The following CACNG6 variants were observed in gnomAD, a reference collection of about 807,000 sequenced individuals.
CACNG6 encodes voltage-dependent calcium channel gamma-6 subunit.
A neutral mutation model predicts 23.9 loss-of-function variants in CACNG6; 21 were observed. That is an observed-to-expected ratio of 0.88 (90% CI 0.62 to 1.26). The LOEUF is 1.26. Among genes scored for constraint, CACNG6 ranks in the 50% most tolerant of loss-of-function variants. CACNG6 has a pLI of 0.00. For synonymous variants in CACNG6, 182 were observed against 168.9 expected (o/e 1.08, Z -0.60); for missense variants, 340 against 352.9 (o/e 0.96, Z 0.29).
At position 53,991,876 on chromosome 19, in the gene CACNG6, G is replaced by A. The variant is rs923266491; in HGVS notation, c.-1002G>A. Among the ~76,000 whole-genome samples, 1 of 152,184 alleles carries A rather than the reference G, an allele frequency of 6.6e-6. No homozygotes were observed. Among genetic ancestry groups the A allele is most frequent in the Admixed American group, 6.5e-5 (1 of 15,282 alleles). On this transcript the variant is annotated 5_prime_UTR_variant, in exon 1 of 4. Transcript: ENST00000252729. The stretch of plus-strand genomic sequence containing the variant: ...GGGCGCAGCGTCTCTTGCGGGTCGC[G>A]GTTGGCCTTTGAACCCTGGGGGGAC...
At chr19:54,009,562 G>A (rs2069682225) in intron 3 of CACNG6, among the ~76,000 whole-genome samples, 1 of 152,090 alleles carries the variant, frequency 6.6e-6, no homozygotes, top group African/African-American at 2.4e-5. Context: ...GCTGCAATGA[G>A]CTGAGATCAT....
chr19:54,005,160 G>A (rs1003717015), intron 3 of CACNG6, among the ~76,000 whole-genome samples: 13 of 151,352 alleles, frequency 8.6e-5, no homozygotes, highest in African/African-American at 2.9e-4. Flanking sequence ...AGTGAGCTGG[G>A]ATCGCGCCAC....
At chr19:54,004,365 G>T (rs1212503783) in intron 3 of CACNG6, among the ~76,000 whole-genome samples, 7 of 148,400 alleles carry the variant, frequency 4.7e-5, no homozygotes, top group African/African-American at 1.7e-4. Flanking sequence ...GTGTGTGTGT[G>T]TGTGTGTGTG....
At position 54,005,241 on chromosome 19, in the gene CACNG6, A is replaced by C. The variant is rs977775200; in HGVS notation, c.544+5470A>C. Among the ~76,000 whole-genome samples the C allele has an allele frequency of 1.1e-3, 118 of 108,100 alleles. 2 individuals carry two copies. The highest frequency in any genetic ancestry group is 5.5e-3 in the African/African-American group (112 of 20,202). 70.9% of individuals were successfully genotyped at this position (108,100 alleles called of 152,430 possible). ...AATAAATAAATAAATAAATAAATAAATAAATAAATAATAATAAAAGAAAGA... is the reference window on the plus strand; with the variant it reads ...AATAAATAAATAAATAAATAAATAACTAAATAAATAATAATAAAAGAAAGA... On this transcript the variant is annotated intron_variant, in intron 3 of 3. Transcript: ENST00000252729.
chr19:54,009,818 C>T (rs1461166346), intron 3 of CACNG6, among the ~76,000 whole-genome samples: 5 of 148,512 alleles, frequency 3.4e-5, no homozygotes, highest in Non-Finnish European at 7.4e-5. Flanking sequence ...CCCAGCTACT[C>T]GGGAGGCTGA....
At chr19:54,000,472 T>C (rs2069564421) in intron 3 of CACNG6, among the ~76,000 whole-genome samples, 1 of 152,240 alleles carries the variant, frequency 6.6e-6, no homozygotes. Flanking sequence ...AAATGCTGCA[T>C]CTTGTGAAAT....
intron 3 of CACNG6, among the ~76,000 whole-genome samples, chr19:54,004,500 G>A (rs1180998090): frequency 6.6e-6 from 1 of 152,040 alleles, no homozygotes; most frequent in Admixed American, 6.6e-5. Flanking sequence ...TTACAGGTGT[G>A]AGCCACCACG....
chr19:54,002,484 CTTTT>C (rs11305908), intron 3 of CACNG6, among the ~76,000 whole-genome samples: 1 of 141,454 alleles, frequency 7.1e-6, no homozygotes, highest in Non-Finnish European at 1.5e-5. Context: ...TCTATTTCTC[CTTTT>C]TTTTTTTTTT....
intron 3 of CACNG6, among the ~76,000 whole-genome samples, chr19:54,009,292 G>C (rs1293693269): frequency 6.6e-6 from 1 of 150,796 alleles, no homozygotes; most frequent in Non-Finnish European, 1.5e-5. Flanking sequence ...GTGGTGGCGT[G>C]TGTCTGTAAT....
intron 3 of CACNG6, among the ~76,000 whole-genome samples, chr19:54,008,617 CCAAA>C (rs1568818668): frequency 6.6e-6 from 1 of 152,226 alleles, no homozygotes; most frequent in African/African-American, 2.4e-5. Context: ...TCTCTTTTCT[CCAAA>C]CACTCTGTGC....
At position 53,993,177 on chromosome 19, in the gene CACNG6, G is replaced by C; in HGVS notation, c.300G>C (p.Arg100Ser). Residue 100 changes from arginine (R) to serine (S), a missense_variant, in exon 1 of 4, where the codon AGG (arginine) becomes AGC (serine). Transcript: ENST00000252729. Reference sequence around the variant, plus strand: ...GGCAGGCGGACGTGCCCGTGGACAGGGACACCTGCGGCCCCGCGGAGCTGC... The same window carrying C: ...GGCAGGCGGACGTGCCCGTGGACAGCGACACCTGCGGCCCCGCGGAGCTGC... ...RLWQADVPVDRDTCGPAELPG... is the reference protein window; with the variant it reads ...RLWQADVPVDSDTCGPAELPG... The C allele has an allele frequency of 1.3e-6, 2 of 1,543,160 alleles. No individual in the cohort carries two copies. Among genetic ancestry groups the C allele is most frequent in the Non-Finnish European group, 1.7e-6 (2 of 1,145,970 alleles).
At position 53,991,767 on chromosome 19, in the gene CACNG6, G is replaced by T. The variant is rs896199539; in HGVS notation, c.-1111G>T. ...TCGGGGGTGGGAGCCCCGAGGGGGGGCCCTGGCCTGGGGCTGAGCCTGGCG... is the reference window on the plus strand; with the variant it reads ...TCGGGGGTGGGAGCCCCGAGGGGGGTCCCTGGCCTGGGGCTGAGCCTGGCG... On this transcript the variant is annotated 5_prime_UTR_variant, in exon 1 of 4. Coordinates refer to ENST00000252729, the MANE Select transcript of CACNG6 (RefSeq NM_145814.2). 6.6e-6 allele frequency among the ~76,000 whole-genome samples: 1 copy of T among 152,090 alleles called. No homozygotes were observed. The highest frequency in any genetic ancestry group is 1.5e-5 in the Non-Finnish European group (1 of 67,976).
intron 3 of CACNG6, among the ~76,000 whole-genome samples, chr19:54,005,139 G>T (rs1482600988): frequency 2.0e-5 from 3 of 151,062 alleles, no homozygotes; most frequent in Non-Finnish European, 2.9e-5. Flanking sequence ...AACCCGGGAG[G>T]TGGAGGTTGC....
intron 1 of CACNG6, among the ~76,000 whole-genome samples, chr19:53,996,956 C>A (rs145756774): frequency 0.012 from 1,822 of 147,734 alleles, 39 homozygotes; most frequent in African/African-American, 0.044. Flanking sequence ...GCAACCTCTG[C>A]CTCCCAGGCT....
Position 53,999,515 on chromosome 19 carries a change from T to C in CACNG6, c.407-119T>C, listed in dbSNP as rs980280648. 32 of 1,188,838 alleles carry C rather than the reference T, an allele frequency of 2.7e-5. No homozygotes were observed. The African/African-American group carries it at 4.7e-4, about 17-fold the overall frequency. 73.6% of individuals were successfully genotyped at this position (1,188,838 alleles called of 1,614,324 possible). On this transcript the variant is annotated intron_variant, in intron 2 of 3. Coordinates refer to ENST00000252729, the MANE Select transcript of CACNG6 (RefSeq NM_145814.2). Reference sequence around the variant, plus strand: ...AATGTTGGGCTGGATGATACTCTACTTGAAAATTCTTCTCTCGTCCCGAAT... The same window carrying C: ...AATGTTGGGCTGGATGATACTCTACCTGAAAATTCTTCTCTCGTCCCGAAT...
At chr19:54,004,603 T>G (rs2145962541) in intron 3 of CACNG6, among the ~76,000 whole-genome samples, 1 of 152,220 alleles carries the variant, frequency 6.6e-6, no homozygotes. Flanking sequence ...TAGAATAACA[T>G]GGTGGCAAGG....
rs1321797145 is a variant in CACNG6, at chr19:53,992,495, C to T, written c.-383C>T. 5 of 166,370 alleles carry T rather than the reference C, an allele frequency of 3.0e-5. No homozygotes were observed. Among genetic ancestry groups the T allele is most frequent in the Non-Finnish European group, 6.4e-5 (5 of 78,076 alleles). 10.3% of individuals were successfully genotyped at this position (166,370 alleles called of 1,614,324 possible). On this transcript the variant is annotated 5_prime_UTR_variant, in exon 1 of 4. Transcript: ENST00000252729. This position sits in a 1 kb window ranked among gnomAD's most constrained non-coding sequence, Gnocchi z 4.1. ...CCCTTGGAGCTGCAGGGAGCTTCAG[C>T]GGGCACCAGTTCTCATTCCTCTGGA...
At chr19:53,997,722 T>A (rs2069534367) in intron 1 of CACNG6, among the ~76,000 whole-genome samples, 1 of 152,166 alleles carries the variant, frequency 6.6e-6, no homozygotes, top group Non-Finnish European at 1.5e-5. Context: ...CTTTTGTGAA[T>A]TACTATTCAT....
chr19:54,008,601 A>T (rs1325638274), intron 3 of CACNG6, among the ~76,000 whole-genome samples: 1 of 151,876 alleles, frequency 6.6e-6, no homozygotes, highest in Non-Finnish European at 1.5e-5. Flanking sequence ...CACCACACTC[A>T]GCTTTTCTCT....
Sources: allele counts gnomAD v4.1 joint callset (sites outside exome capture counted in the v4.1 genomes callset), GRCh38; gene constraint gnomAD v4.1.1; non-coding constraint Gnocchi (gnomAD v3.1); transcripts MANE v1.5; gene names NCBI Gene and HGNC (gene_info 2026-07-23, HGNC 2026-07-21).